Variants in PES1 observed in about 807,000 individuals in gnomAD.
PES1 encodes pescadillo homolog.
In PES1, 31 loss-of-function variants were observed where a neutral mutation model predicts 77.1. The ratio of observed to expected loss-of-function variants is 0.40; its 90% CI spans 0.30 to 0.54. PES1 has a LOEUF of 0.54. Ranked by LOEUF, PES1 falls within the 20% of genes least tolerant of loss-of-function variation. The pLI is 0.45. For synonymous variants in PES1, 282 were observed against 303.0 expected (o/e 0.93, Z 0.72); for missense variants, 658 against 771.7 (o/e 0.85, Z 1.75).
chr22:30,592,037 T>C (rs1484101452), upstream of PES1: 81 of 1,367,318 alleles, frequency 5.9e-5, no homozygotes, highest in Non-Finnish European at 7.2e-5. Flanking sequence ...AAAAAATCAC[T>C]GAGAACACTC....
intron 2 of PES1, among the ~76,000 whole-genome samples, chr22:30,599,402 T>G (rs1223706811): frequency 6.6e-6 from 1 of 152,164 alleles, no homozygotes; most frequent in Non-Finnish European, 1.5e-5. Context: ...AAAATGACCT[T>G]TGTGTGTGAT....
At chr22:30,600,473 G>A (rs925526311) in intron 2 of PES1, among the ~76,000 whole-genome samples, 3 of 151,676 alleles carry the variant, frequency 2.0e-5, no homozygotes, top group African/African-American at 7.3e-5. Flanking sequence ...GCTTGAACTC[G>A]GGAGTTCGAG....
At position 30,599,839 on chromosome 22, in the gene PES1, G is replaced by A. The variant is rs148774852; in HGVS notation, c.-661+5622C>T. 6.3e-3 allele frequency among the ~76,000 whole-genome samples: 957 copies of A among 152,290 alleles called. 57 individuals carry two copies. In the East Asian group the frequency reaches 0.15, roughly 24 times the overall value. ...CGCTTGAACCTGGCAGGCAGAGGTT[G>A]CGGTGAGCCGAGATTGAGCCATTGC... On this transcript the variant is annotated intron_variant, in intron 2 of 16. Transcript: ENST00000402281.
At chr22:30,605,246 C>A (rs2087420828) in intron 2 of PES1, among the ~76,000 whole-genome samples, 1 of 152,214 alleles carries the variant, frequency 6.6e-6, no homozygotes, top group Admixed American at 6.5e-5. Flanking sequence ...AGCAATCCTC[C>A]TGCCTTGGCT....
At chr22:30,597,416 C>T (rs9609009) in intron 2 of PES1, among the ~76,000 whole-genome samples, 240 of 1,576 alleles carry the variant, frequency 0.15, no homozygotes, top group Middle Eastern at 0.25. Flanking sequence ...GCTCAAGGTT[C>T]GTAAACACAC....
chr22:30,584,241 C>A (rs530880941), intron 6 of PES1, 124 bp downstream of exon 6: 19 of 748,916 alleles, frequency 2.5e-5, no homozygotes, highest in Middle Eastern at 2.3e-4. Context: ...GCGCCTCACC[C>A]CTCATCAACA....
chr22:30,605,565 TG>T, intron 1 of PES1: 1 of 885,014 alleles, frequency 1.1e-6, no homozygotes, highest in Non-Finnish European at 1.4e-6. Flanking sequence ...GGCAGAGGGT[TG>T]GGGGAGCCAA....
At chr22:30,597,830 C>T (rs757499997) in intron 2 of PES1, among the ~76,000 whole-genome samples, 5 of 151,348 alleles carry the variant, frequency 3.3e-5, no homozygotes, top group Non-Finnish European at 5.9e-5. Flanking sequence ...GCAGGCTGCC[C>T]GACTCAGCTG....
At chr22:30,598,912 T>TTTTTTTTTTTTTTTA (rs761643665) in intron 2 of PES1, among the ~76,000 whole-genome samples, 7 of 116,426 alleles carry the variant, frequency 6.0e-5, no homozygotes, top group African/African-American at 1.0e-4. Flanking sequence ...TTTTTTTTTT[T>TTTTTTTTTTTTTTTA]TTGAGATGGA....
At chr22:30,583,214 C>T (rs1180057840) in intron 6 of PES1, among the ~76,000 whole-genome samples, 3 of 152,180 alleles carry the variant, frequency 2.0e-5, no homozygotes, top group Admixed American at 6.5e-5. Context: ...GGGCCACCCA[C>T]ACGTGCCCCA....
chr22:30,584,193 C>A, intron 6 of PES1, 172 bp downstream of exon 6: 2 of 626,574 alleles, frequency 3.2e-6, no homozygotes, highest in Non-Finnish European at 2.9e-6. Context: ...AGCTTAGGCT[C>A]CCGCTCTTAA....
chr22:30,602,382 C>T (rs1431768391), intron 2 of PES1, among the ~76,000 whole-genome samples: 1 of 151,398 alleles, frequency 6.6e-6, no homozygotes, highest in Non-Finnish European at 1.5e-5. Context: ...TCAATTAAAC[C>T]TCTTTATAAA....
At chr22:30,586,401 C>T (rs1367927502) in intron 4 of PES1, among the ~76,000 whole-genome samples, 5 of 152,146 alleles carry the variant, frequency 3.3e-5, no homozygotes, top group Non-Finnish European at 5.9e-5. Flanking sequence ...GAAGCCAACC[C>T]GAGCCATCCT....
chr22:30,606,183 G>GT (rs1338349002), intron 1 of PES1, among the ~76,000 whole-genome samples: 1 of 152,066 alleles, frequency 6.6e-6, no homozygotes, highest in Non-Finnish European at 1.5e-5. Context: ...GTTCTGGCAA[G>GT]TACCCCTGCT....
chr22:30,602,816 T>C (rs1418169398), intron 2 of PES1, among the ~76,000 whole-genome samples: 1 of 152,234 alleles, frequency 6.6e-6, no homozygotes, highest in Non-Finnish European at 1.5e-5. Context: ...TGATTTGTTT[T>C]GCATATAGAC....
chr22:30,589,653 G>A (rs184895516), intron 1 of PES1, among the ~76,000 whole-genome samples: 73 of 150,564 alleles, frequency 4.8e-4, no homozygotes, highest in Non-Finnish European at 1.2e-4. Flanking sequence ...AGGAGAAAAC[G>A]GGCTCGTAAA....
At chr22:30,594,267 C>A (rs1342894031), upstream of PES1, among the ~76,000 whole-genome samples, 1 of 152,200 alleles carries the variant, frequency 6.6e-6, no homozygotes, top group Non-Finnish European at 1.5e-5. Flanking sequence ...CGCCTGTAAT[C>A]CCAGCACTTT....
chr22:30,581,726 G>A lies in PES1; in HGVS notation c.631-82C>T. ...GGACAGACAACCCACAGAGTGGAGG[G>A]TGTCTGACCTACCCAAAGACCCCAA... is the stretch of plus-strand genomic sequence containing the variant. On this transcript the variant is annotated intron_variant, in intron 6 of 14. Coordinates refer to ENST00000354694, the MANE Select transcript of PES1 (RefSeq NM_014303.4). 3.2e-6 allele frequency: 3 copies of A among 946,366 alleles called. No individual in the cohort carries two copies. The South Asian group carries it at 4.0e-5, about 13-fold the overall frequency. 58.6% of individuals were successfully genotyped at this position (946,366 alleles called of 1,614,324 possible).
At chr22:30,601,319 A>C (rs1163454667) in intron 2 of PES1, among the ~76,000 whole-genome samples, 3 of 146,856 alleles carry the variant, frequency 2.0e-5, no homozygotes. Flanking sequence ...ATTTGATCTA[A>C]TTTTTTTTTT....
Sources: gnomAD v4.1 joint callset for allele counts (sites outside exome capture counted in the v4.1 genomes callset) on GRCh38, gnomAD v4.1.1 for gene constraint, MANE v1.5 for transcripts, NCBI Gene and HGNC (gene_info 2026-07-23, HGNC 2026-07-21) for gene names.